Variants in MARCHF1 observed in about 807,000 individuals in gnomAD.
MARCHF1 encodes E3 ubiquitin-protein ligase MARCHF1.
Under a neutral mutation model 54.2 loss-of-function variants are expected in MARCHF1, and 40 were observed. The ratio of observed to expected loss-of-function variants is 0.74; its 90% CI spans 0.57 to 0.96. The LOEUF is 0.96. Among genes scored for constraint, MARCHF1 ranks in the 40% least tolerant of loss-of-function variants. The pLI is 0.00. For missense variants in MARCHF1, 586 were observed against 656.5 expected (o/e 0.89, Z 1.17); for synonymous variants, 236 against 236.3 (o/e 1.00, Z 0.01).
At chr4:164,001,580 C>CA (rs1440729046) in intron 2 of MARCHF1, among the ~76,000 whole-genome samples, 2 of 151,808 alleles carry the variant, frequency 1.3e-5, no homozygotes, top group African/African-American at 4.8e-5. Flanking sequence ...GCAGCACAGA[C>CA]ACATGATTCC....
chr4:163,784,419 G>A (rs1226101502), intron 4 of MARCHF1, among the ~76,000 whole-genome samples: 2 of 152,060 alleles, frequency 1.3e-5, no homozygotes, highest in Admixed American at 6.6e-5. Context: ...TCTGGATATC[G>A]TCTGGTGTTC....
intron 1 of MARCHF1, among the ~76,000 whole-genome samples, chr4:164,265,714 G>C: frequency 6.6e-6 from 1 of 151,866 alleles, no homozygotes; most frequent in Non-Finnish European, 1.5e-5. Flanking sequence ...CCCAGATCCA[G>C]CCACTCTGAC....
At chr4:163,691,131 A>G (rs1270357367) in intron 5 of MARCHF1, among the ~76,000 whole-genome samples, 4 of 152,210 alleles carry the variant, frequency 2.6e-5, no homozygotes, top group African/African-American at 9.7e-5. Flanking sequence ...TGCCTTTTCC[A>G]AGCTGATGCC....
intron 5 of MARCHF1, among the ~76,000 whole-genome samples, chr4:163,687,956 G>A (rs1381918286): frequency 6.6e-6 from 1 of 152,190 alleles, no homozygotes. Context: ...CAATTATCCA[G>A]TTAATCTGAT....
intron 1 of MARCHF1, among the ~76,000 whole-genome samples, chr4:164,240,412 A>T (rs1732705635): frequency 6.6e-6 from 1 of 152,182 alleles, no homozygotes; most frequent in Admixed American, 6.5e-5. Context: ...TTCCAGGACC[A>T]ATTCCAATGG....
chr4:163,561,060 A>T (rs189811511), intron 8 of MARCHF1, among the ~76,000 whole-genome samples: 1 of 152,316 alleles, frequency 6.6e-6, no homozygotes, highest in Admixed American at 6.5e-5. Context: ...AATGTCAAAT[A>T]ACAGTTTTCT....
At chr4:164,115,461 G>A (rs988757223) in intron 1 of MARCHF1, among the ~76,000 whole-genome samples, 8 of 152,022 alleles carry the variant, frequency 5.3e-5, no homozygotes, top group Admixed American at 4.6e-4. Context: ...AAGTTTATGA[G>A]AGCGATAATG....
At chr4:163,797,326 GGTGTGTATGTGTGTGTGTGT>G in intron 4 of MARCHF1, among the ~76,000 whole-genome samples, 1 of 125,986 alleles carries the variant, frequency 7.9e-6, no homozygotes, top group East Asian at 2.3e-4. Context: ...AGTGTGATAC[GGTGTGTATGTGTGTGTGTGT>G]GTGTTTATGT....
chr4:163,922,396 T>C (rs1364399929), intron 3 of MARCHF1, among the ~76,000 whole-genome samples: 1 of 152,130 alleles, frequency 6.6e-6, no homozygotes, highest in Non-Finnish European at 1.5e-5. Flanking sequence ...TTGAGGTTTT[T>C]CATGTTAGAT....
chr4:164,142,834 C>T (rs530464805), intron 1 of MARCHF1, among the ~76,000 whole-genome samples: 15 of 152,118 alleles, frequency 9.9e-5, no homozygotes, highest in South Asian at 4.1e-4. Flanking sequence ...ATGACTTTGA[C>T]GAGCTGAGAG....
In MARCHF1 at chr4:163,994,733, GCACACATACACACA is replaced by G. The variant is rs1379559018; in HGVS notation, c.-247-6038_-247-6025del. Among the ~76,000 whole-genome samples the G allele has an allele frequency of 5.9e-3, 556 of 94,388 alleles. 4 individuals are homozygous for G. The highest frequency in any genetic ancestry group is 0.022 in the African/African-American group (536 of 24,852). The allele number at this position is 94,388 out of a possible 152,430, so 61.9% of individuals were successfully genotyped here. The stretch of plus-strand genomic sequence containing the variant: ...TCCTGGACCTAACAGTCCTAATCAA[GCACACATACACACA>G]CACACACACACACACACACACACAC... On this transcript the variant is annotated intron_variant, in intron 2 of 9. Transcript: ENST00000514618.
At chr4:163,811,485 G>A (rs897628410) in intron 4 of MARCHF1, among the ~76,000 whole-genome samples, 1 of 151,870 alleles carries the variant, frequency 6.6e-6, no homozygotes, top group African/African-American at 2.4e-5. Context: ...GCAACATAGT[G>A]AGAAAGAAAA....
At chr4:164,163,551 A>C (rs1196180744) in intron 1 of MARCHF1, among the ~76,000 whole-genome samples, 1 of 152,016 alleles carries the variant, frequency 6.6e-6, no homozygotes, top group Non-Finnish European at 1.5e-5. Flanking sequence ...AAAGCAAGAG[A>C]CAATTAATAT....
At chr4:164,082,355 G>C (rs1013439699) in intron 2 of MARCHF1, among the ~76,000 whole-genome samples, 4 of 152,130 alleles carry the variant, frequency 2.6e-5, no homozygotes, top group Non-Finnish European at 5.9e-5. Context: ...TCAATTTACA[G>C]GCCCCATTAT....
chr4:164,143,825 T>C lies in MARCHF1; in HGVS notation c.-322-32163A>G, dbSNP rs575516674. 3.2e-3 allele frequency among the ~76,000 whole-genome samples: 488 copies of C among 152,264 alleles called. 1 individual carries two copies. Among genetic ancestry groups the C allele is most frequent in the African/African-American group, 0.011 (462 of 41,548 alleles). Reference sequence around the variant, plus strand: ...AGGATCAAATTCACACATAACAATATTGACTTTAAATGTCAATGGACTAAA... The same window carrying C: ...AGGATCAAATTCACACATAACAATACTGACTTTAAATGTCAATGGACTAAA... On this transcript the variant is annotated intron_variant, in intron 1 of 9. Transcript: ENST00000514618.
rs181374783 is a variant in MARCHF1, at chr4:164,032,930, C to T, written c.-247-44221G>A. On this transcript the variant is annotated intron_variant, in intron 2 of 9. Transcript: ENST00000514618. The stretch of plus-strand genomic sequence containing the variant: ...TACTACAAGTCTATAGTAACGAAAA[C>T]AGCATGGTACTTGTACCAAAACAGA... Among the ~76,000 whole-genome samples, 35 of 152,252 alleles carry T rather than the reference C, an allele frequency of 2.3e-4. No individual in the cohort carries two copies. In the East Asian group the frequency reaches 5.8e-3, roughly 25 times the overall value.
chr4:164,019,030 C>T (rs1436893849), intron 2 of MARCHF1, among the ~76,000 whole-genome samples: 2 of 152,182 alleles, frequency 1.3e-5, no homozygotes, highest in African/African-American at 4.8e-5. Flanking sequence ...TTCTGCTCAG[C>T]TCTGTATCCT....
intron 3 of MARCHF1, among the ~76,000 whole-genome samples, chr4:163,906,781 CTT>C (rs1348235566): frequency 6.6e-6 from 1 of 151,848 alleles, no homozygotes; most frequent in Non-Finnish European, 1.5e-5. Context: ...AACACTCTCT[CTT>C]GTCTTATAGA....
chr4:164,310,539 C>T (rs940493593), intron 1 of MARCHF1, among the ~76,000 whole-genome samples: 1 of 151,436 alleles, frequency 6.6e-6, no homozygotes, highest in South Asian at 2.1e-4. Flanking sequence ...TTATACAGGA[C>T]GTGTAGATTC....
Sources: gnomAD v4.1 joint callset for allele counts (sites outside exome capture counted in the v4.1 genomes callset) on GRCh38, gnomAD v4.1.1 for gene constraint, MANE v1.5 for transcripts, NCBI Gene and HGNC (gene_info 2026-07-23, HGNC 2026-07-21) for gene names.